Variants in CSMD2 observed in about 807,000 individuals in gnomAD.
CSMD2 encodes the protein CUB and sushi domain-containing protein 2.
In CSMD2, 130 loss-of-function variants were observed where a neutral mutation model predicts 398.5. The observed-to-expected ratio is 0.33, with a 90% CI of 0.28 to 0.38. The LOEUF (loss-of-function observed/expected upper bound fraction) is 0.38, where lower values mean the gene tolerates loss of function less well. Among genes scored for constraint, CSMD2 ranks in the 10% least tolerant of loss-of-function variants. The pLI, the probability that CSMD2 is intolerant of heterozygous loss-of-function variation, is 1.00. For synonymous variants in CSMD2, 1,828 were observed against 1,908.5 expected (o/e 0.96, Z 1.10); for missense variants, 3,829 against 4,764.9 (o/e 0.80, Z 5.78).
chr1:34,057,403 T>C (rs1198153315), intron 2 of CSMD2, among the ~76,000 whole-genome samples: 1 of 152,166 alleles, frequency 6.6e-6, no homozygotes, highest in Non-Finnish European at 1.5e-5. Context: ...TCTCGCTGTT[T>C]CTATGCTGTT....
chr1:33,909,735 G>C (rs979968371), intron 5 of CSMD2, among the ~76,000 whole-genome samples: 3 of 152,158 alleles, frequency 2.0e-5, no homozygotes, highest in African/African-American at 7.2e-5. Context: ...GTCCTGCCAG[G>C]GTATTGAACA....
intron 25 of CSMD2, among the ~76,000 whole-genome samples, chr1:33,672,174 C>G (rs898187177): frequency 2.0e-5 from 3 of 152,190 alleles, no homozygotes; most frequent in Admixed American, 2.0e-4. Flanking sequence ...GGCGAGGCAT[C>G]GCCTCACCTG....
At chr1:33,695,228 G>T (rs551760987) in intron 24 of CSMD2, among the ~76,000 whole-genome samples, 2 of 152,278 alleles carry the variant, frequency 1.3e-5, no homozygotes, top group East Asian at 3.9e-4. Context: ...GGAGATGGGG[G>T]AGATGGGACT....
chr1:33,832,920 A>C (rs376844596), intron 6 of CSMD2, among the ~76,000 whole-genome samples: 1 of 152,134 alleles, frequency 6.6e-6, no homozygotes. Context: ...ATAAATTCCT[A>C]GACACATACA....
At chr1:33,831,381 T>G (rs1194109508) in intron 6 of CSMD2, among the ~76,000 whole-genome samples, 1 of 152,198 alleles carries the variant, frequency 6.6e-6, no homozygotes, top group African/African-American at 2.4e-5. Context: ...AAAAGAATTT[T>G]CAACCCAGAA....
In CSMD2 at chr1:33,543,674, T is replaced by C. The variant is rs549540492; in HGVS notation, c.9101-778A>G. Reference sequence around the variant, plus strand: ...GTCATTGACCAGATTCATTATTTCATTAGGGATTGGAAAGTGGTGATATTC... The same window carrying C: ...GTCATTGACCAGATTCATTATTTCACTAGGGATTGGAAAGTGGTGATATTC... On this transcript the variant is annotated intron_variant, in intron 57 of 70. Transcript: ENST00000373381. Among the ~76,000 whole-genome samples the C allele has an allele frequency of 5.3e-5, 8 of 152,372 alleles. No homozygotes were observed. The South Asian group carries it at 8.3e-4, about 16-fold the overall frequency.
At chr1:33,983,001 G>C (rs1646225701) in intron 3 of CSMD2, among the ~76,000 whole-genome samples, 2 of 152,182 alleles carry the variant, frequency 1.3e-5, no homozygotes, top group African/African-American at 4.8e-5. Flanking sequence ...TAAGAAGGCA[G>C]GGTGTGAGCA....
chr1:33,820,248 C>G (rs766131167), intron 8 of CSMD2, among the ~76,000 whole-genome samples: 1 of 152,162 alleles, frequency 6.6e-6, no homozygotes, highest in Non-Finnish European at 1.5e-5. Context: ...CTGGATAACA[C>G]TGGCAGTCTA....
intron 5 of CSMD2, among the ~76,000 whole-genome samples, chr1:33,911,873 G>T (rs1643464589): frequency 6.6e-6 from 1 of 152,212 alleles, no homozygotes; most frequent in Non-Finnish European, 1.5e-5. Context: ...CTTCCTTAGA[G>T]AATTTCTGGG....
chr1:33,858,563 G>C (rs1204304897), intron 5 of CSMD2, among the ~76,000 whole-genome samples: 1 of 152,202 alleles, frequency 6.6e-6, no homozygotes, highest in African/African-American at 2.4e-5. Context: ...TGTACCCAAA[G>C]TATGATCATC....
At chr1:33,820,644 G>A in intron 7 of CSMD2, 88 bp from the exon 8 acceptor site, 1 of 893,634 alleles carries the variant, frequency 1.1e-6, no homozygotes, top group Non-Finnish European at 1.8e-6. Context: ...CAATGTCTCA[G>A]GGTGGGAGGT....
chr1:33,568,462 C>A (rs1031406771), intron 52 of CSMD2, among the ~76,000 whole-genome samples: 1 of 152,216 alleles, frequency 6.6e-6, no homozygotes, highest in Non-Finnish European at 1.5e-5. Context: ...GCTGGGATTA[C>A]AGGCGTGAGC....
chr1:34,038,024 G>C (rs1036774806), intron 2 of CSMD2, among the ~76,000 whole-genome samples: 1 of 152,112 alleles, frequency 6.6e-6, no homozygotes, highest in East Asian at 1.9e-4. Context: ...ATTCCAGCAG[G>C]GAGGATTCCT....
At chr1:34,053,977 C>T (rs1653525358) in intron 2 of CSMD2, among the ~76,000 whole-genome samples, 1 of 152,122 alleles carries the variant, frequency 6.6e-6, no homozygotes, top group African/African-American at 2.4e-5. Context: ...TGTAAATAGA[C>T]TCCCAATTTT....
Position 33,600,902 on chromosome 1 carries a change from A to G in CSMD2, c.6819T>C (p.Asp2273=). ...TGGCGAAGATCCCCCCTGTGGCTGC[A>G]TCACGGTGGAACTTGAGCAGGACCT... ...SNQVLLKFHR[D]AATGGIFAIA... is the part of the protein sequence containing the mutation. Residue 2273 remains aspartate (D), a synonymous_variant, in exon 44 of 71, where the codon GAT becomes GAC. Coordinates refer to ENST00000373381, the MANE Select transcript of CSMD2 (RefSeq NM_001281956.2). The G allele has an allele frequency of 6.2e-7, 1 of 1,614,102 alleles. No individual in the cohort carries two copies. The highest frequency in any genetic ancestry group is 8.5e-7 in the Non-Finnish European group (1 of 1,180,008).
intron 55 of CSMD2, among the ~76,000 whole-genome samples, chr1:33,554,733 T>G (rs1333946946): frequency 6.6e-6 from 1 of 152,174 alleles, no homozygotes; most frequent in Non-Finnish European, 1.5e-5. Context: ...CGCATCTGTT[T>G]ATAGCATGGT....
chr1:33,718,596 A>C (rs1447324187), intron 19 of CSMD2, among the ~76,000 whole-genome samples: 1 of 152,216 alleles, frequency 6.6e-6, no homozygotes, highest in Non-Finnish European at 1.5e-5. Context: ...TCCATGAACC[A>C]GCAGTGTGGT....
chr1:34,060,123 A>C (rs1307955739), intron 2 of CSMD2, among the ~76,000 whole-genome samples: 1 of 152,202 alleles, frequency 6.6e-6, no homozygotes, highest in Non-Finnish European at 1.5e-5. Flanking sequence ...AAAGGTCAAC[A>C]GGAGTGGATG....
chr1:34,078,951 T>C (rs1329440392), intron 2 of CSMD2, among the ~76,000 whole-genome samples: 1 of 152,222 alleles, frequency 6.6e-6, no homozygotes, highest in East Asian at 1.9e-4. Context: ...GGGATAACTC[T>C]TTCCCATAGC....
Sources: gnomAD v4.1 joint callset for allele counts (sites outside exome capture counted in the v4.1 genomes callset) on GRCh38, gnomAD v4.1.1 for gene constraint, MANE v1.5 for transcripts, NCBI Gene and HGNC (gene_info 2026-07-23, HGNC 2026-07-21) for gene names.